Variants in CTH observed in about 807,000 individuals in gnomAD.
CTH encodes the protein cystathionine gamma-lyase, also known as cystathionase (cystathionine gamma-lyase).
In CTH, 41 loss-of-function variants were observed where a neutral mutation model predicts 50.6. The observed-to-expected ratio is 0.81, with a 90% CI of 0.63 to 1.05. CTH has a LOEUF of 1.05. Ranked by LOEUF, CTH falls within the 50% of genes least tolerant of loss-of-function variation. The pLI is 0.00. For missense variants in CTH, 470 were observed against 492.6 expected, an observed-to-expected ratio of 0.95 and a Z score of 0.43; for synonymous variants, 156 against 168.9, an observed-to-expected ratio of 0.92 and a Z score of 0.59.
At position 70,413,259 on chromosome 1, in the gene CTH, C is replaced by T. The variant is rs74446586; in HGVS notation, c.168+1676C>T. Among the ~76,000 whole-genome samples the T allele has an allele frequency of 6.3e-3, 880 of 139,162 alleles. 6 individuals carry two copies. Among genetic ancestry groups the T allele is most frequent in the African/African-American group, 0.021 (802 of 37,578 alleles). 91.3% of individuals were successfully genotyped at this position (139,162 alleles called of 152,430 possible). ...GTACACAGCCTCTCTTTCTTTCTTT[C>T]TTTTTTTTTTTTTTTTATTTTTCAG... On this transcript the variant is annotated intron_variant, in intron 1 of 11. Transcript: ENST00000370938.
chr1:70,433,014 G>A (rs1007094577), intron 8 of CTH, among the ~76,000 whole-genome samples: 3 of 152,046 alleles, frequency 2.0e-5, no homozygotes, highest in African/African-American at 4.8e-5. Flanking sequence ...TTTCTCTCCT[G>A]TATTTTTATT....
At chr1:70,417,248 A>T (rs973940637) in intron 2 of CTH, among the ~76,000 whole-genome samples, 1 of 151,828 alleles carries the variant, frequency 6.6e-6, no homozygotes, top group African/African-American at 2.4e-5. Context: ...CGTATGAATC[A>T]TATCTTTGCT....
chr1:70,426,335 CT>C (rs1684346207), intron 5 of CTH, among the ~76,000 whole-genome samples: 1 of 152,150 alleles, frequency 6.6e-6, no homozygotes, highest in African/African-American at 2.4e-5. Context: ...CCTTGTCATA[CT>C]TAGTACACTT....
At chr1:70,423,658 A>G (rs1435370056) in intron 4 of CTH, among the ~76,000 whole-genome samples, 2 of 152,192 alleles carry the variant, frequency 1.3e-5, no homozygotes, top group African/African-American at 2.4e-5. Flanking sequence ...ATAACTATCA[A>G]GCATCTACCA....
At position 70,416,033 on chromosome 1, in the gene CTH, G is replaced by A. The variant is rs761548856; in HGVS notation, c.246G>A (p.Lys82=). 1.0e-5 allele frequency: 16 copies of A among 1,529,934 alleles called. No homozygotes were observed. The highest frequency in any genetic ancestry group is 1.2e-5 in the Non-Finnish European group (13 of 1,103,426). The allele number at this position is 1,529,934 out of a possible 1,614,324, so 94.8% of individuals were successfully genotyped here. A position where few individuals can be genotyped will look rare whatever the true frequency, so the allele number is the denominator to read the frequency against. The change falls in exon 2 of 12, where the codon AAG becomes AAA. Residue 82 remains lysine, a synonymous_variant. Transcript: ENST00000370938. The part of the protein sequence containing the change: ...EKAVAALDGA[K]YCLAFASGLA... ...CAGTGGCAGCACTGGATGGGGCTAA[G>A]TACTGTAAGTAATTTCCATTTCACA... is the stretch of plus-strand genomic sequence containing the variant.
At chr1:70,435,294 A>C in intron 10 of CTH, 117 bp downstream of exon 10, 2 of 986,974 alleles carry the variant, frequency 2.0e-6, no homozygotes, top group Non-Finnish European at 1.5e-6. Context: ...GAATAGCAGG[A>C]CATTAATCAG....
Position 70,439,638 on chromosome 1 carries a change from C to CTT in CTH, c.*512_*513dup, listed in dbSNP as rs1449556400. 3.2e-5 allele frequency: 5 copies of CTT among 158,378 alleles called. No homozygotes were observed. The highest frequency in any genetic ancestry group is 1.2e-4 in the African/African-American group (5 of 41,440). 9.8% of individuals were successfully genotyped at this position (158,378 alleles called of 1,614,324 possible). ...GAAATTCTACTGATTTAAGACTATA[C>CTT]TTAATATTTTTAAAAAAATAAATCA... On this transcript the variant is annotated 3_prime_UTR_variant, in exon 12 of 12. Coordinates refer to ENST00000370938, the MANE Select transcript of CTH (RefSeq NM_001902.6).
At position 70,430,303 on chromosome 1, in the gene CTH, T is replaced by C. The variant is rs1425115432; in HGVS notation, c.647-14T>C. 14 of 1,500,636 alleles carry C rather than the reference T, an allele frequency of 9.3e-6. No homozygotes were observed. Among genetic ancestry groups the C allele is most frequent in the Non-Finnish European group, 1.3e-5 (14 of 1,077,430 alleles). 93.0% of individuals were successfully genotyped at this position (1,500,636 alleles called of 1,614,324 possible). The stretch of plus-strand genomic sequence containing the variant: ...ACTGAAATTTTTGTTTGTTTGTTTG[T>C]TTTTTGTTTTTAGGCCACAGTGATG... On this transcript the variant is annotated splice_polypyrimidine_tract_variant and intron_variant, in intron 6 of 11. Coordinates refer to ENST00000370938, the MANE Select transcript of CTH (RefSeq NM_001902.6).
At chr1:70,430,595 G>A (rs1266949445) in intron 7 of CTH, among the ~76,000 whole-genome samples, 1 of 151,554 alleles carries the variant, frequency 6.6e-6, no homozygotes, top group Non-Finnish European at 1.5e-5. Context: ...AGGCGGGAGT[G>A]AAGTGGCGTG....
At chr1:70,438,534 TAATTTTCTCTTTTTTTGCCTGTG>T (rs1439613367) in intron 10 of CTH, among the ~76,000 whole-genome samples, 131 bp from the exon 11 acceptor site, 1 of 152,230 alleles carries the variant, frequency 6.6e-6, no homozygotes, top group Non-Finnish European at 1.5e-5. Flanking sequence ...ATAAGTTTCG[TAATTTTCTCTTTTTTTGCCTGTG>T]AATTATAGGG....
rs774996710 is a variant in CTH, at chr1:70,438,839, A to ATTGT, written c.1191+14_1191+17dup. On this transcript the variant is annotated intron_variant, in intron 11 of 11. Coordinates refer to ENST00000370938, the MANE Select transcript of CTH (RefSeq NM_001902.6). ...TTTGAAGGCAGCAGTAAGTCTTATTATTGTGTGTGTGTGTGTGTGTGTGTG... is the reference window on the plus strand; with the variant it reads ...TTTGAAGGCAGCAGTAAGTCTTATTATTGTTTGTGTGTGTGTGTGTGTGTGTGTG... The ATTGT allele has an allele frequency of 1.4e-5, 18 of 1,316,710 alleles. No homozygotes were observed. Among genetic ancestry groups the ATTGT allele is most frequent in the Non-Finnish European group, 1.7e-5 (17 of 994,834 alleles). 81.6% of individuals were successfully genotyped at this position (1,316,710 alleles called of 1,614,324 possible).
chr1:70,437,262 A>G (rs1430752650), intron 10 of CTH, among the ~76,000 whole-genome samples: 1 of 152,190 alleles, frequency 6.6e-6, no homozygotes, highest in Non-Finnish European at 1.5e-5. Context: ...CTAAGTACCC[A>G]ATAAACGTTA....
chr1:70,425,809 C>T (rs1684334653), intron 5 of CTH, among the ~76,000 whole-genome samples: 1 of 152,148 alleles, frequency 6.6e-6, no homozygotes, highest in African/African-American at 2.4e-5. Context: ...GGGGAGATGA[C>T]TCTAAACCAT....
chr1:70,438,943 G>C, intron 11 of CTH, 117 bp downstream of exon 11: 1 of 1,595,902 alleles, frequency 6.3e-7, no homozygotes, highest in Admixed American at 1.7e-5. Context: ...AAGCTTTTCT[G>C]TTCCTGTAAT....
At chr1:70,428,055 G>C (rs555816744) in intron 5 of CTH, among the ~76,000 whole-genome samples, 55 of 151,052 alleles carry the variant, frequency 3.6e-4, no homozygotes, top group Non-Finnish European at 7.2e-4. Flanking sequence ...TTTTCACTCT[G>C]GTTGTAAACA....
intron 5 of CTH, among the ~76,000 whole-genome samples, chr1:70,427,334 T>C (rs907123983): frequency 6.6e-6 from 1 of 152,136 alleles, no homozygotes; most frequent in Non-Finnish European, 1.5e-5. Flanking sequence ...TTTTTCTTAG[T>C]CCCCTTTCCT....
intron 9 of CTH, 130 bp from the exon 10 acceptor site, chr1:70,434,995 C>A: frequency 1.4e-6 from 1 of 713,630 alleles, no homozygotes. Context: ...CGGTGATCCG[C>A]CTGACTTGGC....
At chr1:70,414,906 G>A (rs551128451) in intron 1 of CTH, among the ~76,000 whole-genome samples, 5 of 151,918 alleles carry the variant, frequency 3.3e-5, no homozygotes, top group Non-Finnish European at 7.4e-5. Flanking sequence ...TGCAACCTCC[G>A]CATCCTGGGC....
At chr1:70,422,532 A>G (rs111970951) in intron 4 of CTH, among the ~76,000 whole-genome samples, 3 of 152,134 alleles carry the variant, frequency 2.0e-5, no homozygotes, top group African/African-American at 7.2e-5. Flanking sequence ...GCTTTTGGTA[A>G]TTAAGGTTTG....
Sources: allele counts gnomAD v4.1 joint callset (sites outside exome capture counted in the v4.1 genomes callset), GRCh38; gene constraint gnomAD v4.1.1; transcripts MANE v1.5; gene names NCBI Gene and HGNC (gene_info 2026-07-23, HGNC 2026-07-21).